KCNN2: variants seen among roughly 807,000 people sequenced by gnomAD.
KCNN2 encodes the protein small conductance calcium-activated potassium channel protein 2.
KCNN2 carries 24 observed loss-of-function variants against 55.5 expected under a neutral mutation model. The observed-to-expected ratio is 0.43, with a 90% CI of 0.31 to 0.61. KCNN2 has a LOEUF of 0.61. Among genes scored for constraint, KCNN2 ranks in the 20% least tolerant of loss-of-function variants. The probability of loss-of-function intolerance (pLI) is 0.08; values close to 1 mark genes in which losing one functional copy is unlikely to be tolerated. For missense variants in KCNN2, 754 were observed against 853.6 expected (o/e 0.88, Z 1.45); for synonymous variants, 431 against 336.1 (o/e 1.28, Z -3.09).
At chr5:114,188,184 A>C (rs1753378750) in intron 1 of KCNN2, among the ~76,000 whole-genome samples, 1 of 152,330 alleles carries the variant, frequency 6.6e-6, no homozygotes, top group Non-Finnish European at 1.5e-5. Flanking sequence ...TAAATACTTC[A>C]GGAGATAGCA....
intron 1 of KCNN2, among the ~76,000 whole-genome samples, chr5:114,077,941 T>A (rs1008261418): frequency 1.3e-5 from 2 of 152,204 alleles, no homozygotes; most frequent in African/African-American, 4.8e-5. Context: ...TGTATTTGTC[T>A]TAGGTGTATT....
rs1309590184 is a variant in KCNN2, at chr5:114,449,908, A to ACACACGCG, written c.1638-13140_1638-13139insACACGCGC. ...CACACACACACACACACACACACACACGCGCGCGCTCGCGTGCGCGCACTC... is the reference window on the plus strand; with the variant it reads ...CACACACACACACACACACACACACACACACGCGCGCGCGCGCTCGCGTGCGCGCACTC... On this transcript the variant is annotated intron_variant, in intron 3 of 7. Transcript: ENST00000673685. 4.1e-3 allele frequency among the ~76,000 whole-genome samples: 270 copies of ACACACGCG among 66,160 alleles called. 1 individual carries two copies. The highest frequency in any genetic ancestry group is 9.1e-3 in the African/African-American group (260 of 28,682). 43.4% of individuals were successfully genotyped at this position (66,160 alleles called of 152,430 possible).
chr5:114,359,980 T>C (rs1170179249), upstream of KCNN2, among the ~76,000 whole-genome samples: 1 of 152,210 alleles, frequency 6.6e-6, no homozygotes, highest in African/African-American at 2.4e-5. Context: ...AAGACTCAAT[T>C]AGCTTCGTGA....
chr5:114,221,670 T>C (rs989290881), intron 2 of KCNN2, among the ~76,000 whole-genome samples: 2 of 152,234 alleles, frequency 1.3e-5, no homozygotes, highest in African/African-American at 2.4e-5. Context: ...AACTAAACTA[T>C]CTGCCTATAG....
chr5:114,493,141 T>C (rs1193084542), intron 6 of KCNN2, among the ~76,000 whole-genome samples: 1 of 152,152 alleles, frequency 6.6e-6, no homozygotes, highest in Non-Finnish European at 1.5e-5. Context: ...TTATGAGTCT[T>C]TCTGAATTCA....
chr5:114,165,124 A>G (rs143336758), intron 1 of KCNN2, among the ~76,000 whole-genome samples: 7 of 152,320 alleles, frequency 4.6e-5, no homozygotes, highest in South Asian at 4.1e-4. Context: ...TAAATAGTCA[A>G]TCCCTGAACA....
At chr5:114,189,208 G>A (rs1580603009) in intron 1 of KCNN2, among the ~76,000 whole-genome samples, 1 of 151,774 alleles carries the variant, frequency 6.6e-6, no homozygotes, top group African/African-American at 2.4e-5. Flanking sequence ...ACATGATTGT[G>A]GAGACTGAGA....
chr5:114,481,906 G>T (rs1580910383), intron 5 of KCNN2, among the ~76,000 whole-genome samples: 1 of 152,128 alleles, frequency 6.6e-6, no homozygotes, highest in Non-Finnish European at 1.5e-5. Context: ...AGACTTAAAT[G>T]TAAAACCCAA....
intron 2 of KCNN2, among the ~76,000 whole-genome samples, chr5:114,295,686 C>G (rs565553299): frequency 6.6e-6 from 1 of 152,104 alleles, no homozygotes; most frequent in Non-Finnish European, 1.5e-5. Flanking sequence ...CTTCAGCTCA[C>G]GCACGATGCA....
intron 1 of KCNN2, among the ~76,000 whole-genome samples, chr5:114,145,276 C>T (rs1233805093): frequency 6.6e-6 from 1 of 152,168 alleles, no homozygotes; most frequent in African/African-American, 2.4e-5. Context: ...CCTTTAGGAG[C>T]CCAATCAACA....
At chr5:114,131,784 A>C (rs188640111) in intron 1 of KCNN2, among the ~76,000 whole-genome samples, 2 of 152,308 alleles carry the variant, frequency 1.3e-5, no homozygotes, top group Non-Finnish European at 2.9e-5. Flanking sequence ...CAACCTCAAC[A>C]ACATCTGTTG....
At chr5:114,187,933 G>C (rs967157164) in intron 1 of KCNN2, among the ~76,000 whole-genome samples, 7 of 151,772 alleles carry the variant, frequency 4.6e-5, no homozygotes, top group African/African-American at 1.7e-4. Context: ...TCCTGCCTCA[G>C]CCTCCCCAGT....
intron 1 of KCNN2, among the ~76,000 whole-genome samples, chr5:114,076,435 T>C (rs1321480055): frequency 6.6e-6 from 1 of 152,166 alleles, no homozygotes; most frequent in Non-Finnish European, 1.5e-5. Flanking sequence ...AAAAAGAGAA[T>C]AGATGTGATT....
chr5:114,062,541 A>G (rs1471543098), intron 1 of KCNN2, among the ~76,000 whole-genome samples: 1 of 152,208 alleles, frequency 6.6e-6, no homozygotes, highest in Admixed American at 6.5e-5. Context: ...GGGCCTTTTA[A>G]TTTTCATTTG....
At chr5:114,317,023 T>A (rs1180792476) in intron 2 of KCNN2, among the ~76,000 whole-genome samples, 1 of 152,234 alleles carries the variant, frequency 6.6e-6, no homozygotes, top group East Asian at 1.9e-4. Context: ...AAGGGGCTTT[T>A]CAGCAGAGTG....
intron 1 of KCNN2, among the ~76,000 whole-genome samples, chr5:114,125,326 T>C (rs1221362670): frequency 6.6e-6 from 1 of 152,218 alleles, no homozygotes; most frequent in African/African-American, 2.4e-5. Context: ...ACTGTAGTTT[T>C]GGAGTCTCAG....
At chr5:114,372,944 C>A (rs994719515) in intron 2 of KCNN2, among the ~76,000 whole-genome samples, 4 of 152,006 alleles carry the variant, frequency 2.6e-5, no homozygotes, top group African/African-American at 9.7e-5. Flanking sequence ...ATAACAAATA[C>A]CCTTGCACAT....
chr5:114,262,539 C>A (rs886906979), intron 2 of KCNN2, among the ~76,000 whole-genome samples: 5 of 152,164 alleles, frequency 3.3e-5, no homozygotes, highest in Non-Finnish European at 5.9e-5. Context: ...TTTTGGCTAA[C>A]TGAATGATAT....
At chr5:114,301,604 C>T (rs1342459365) in intron 2 of KCNN2, among the ~76,000 whole-genome samples, 3 of 152,184 alleles carry the variant, frequency 2.0e-5, no homozygotes, top group African/African-American at 4.8e-5. Flanking sequence ...CATATCTGCA[C>T]TGAGGCTCGG....
Sources: gnomAD v4.1 joint callset for allele counts (sites outside exome capture counted in the v4.1 genomes callset) on GRCh38, gnomAD v4.1.1 for gene constraint, MANE v1.5 for transcripts, NCBI Gene and HGNC (gene_info 2026-07-23, HGNC 2026-07-21) for gene names.